Variants in TMEFF1 observed in about 807,000 individuals in gnomAD.
The protein encoded by TMEFF1 is tomoregulin-1.
TMEFF1 carries 20 observed loss-of-function variants against 47.5 expected under a neutral mutation model. The observed-to-expected ratio is 0.42, with a 90% CI of 0.30 to 0.61. The LOEUF is 0.61. Among genes scored for constraint, TMEFF1 ranks in the 20% least tolerant of loss-of-function variants. The pLI is 0.19. For synonymous variants in TMEFF1, 162 were observed against 166.3 expected (o/e 0.97, Z 0.20); for missense variants, 411 against 471.1 (o/e 0.87, Z 1.18).
rs145959102 is a variant in TMEFF1, at chr9:100,490,955, T to C, written c.197-7810T>C. On this transcript the variant is annotated intron_variant, in intron 1 of 9. Coordinates refer to ENST00000374879, the MANE Select transcript of TMEFF1 (RefSeq NM_003692.5). ...GATCTTCAACTCCTGGTCCTTCTGC[T>C]TCAGCCTCCAAAGTAGCTGGGACTA... 5.1e-3 allele frequency among the ~76,000 whole-genome samples: 771 copies of C among 151,978 alleles called. 5 individuals carry two copies. The highest frequency in any genetic ancestry group is 7.8e-3 in the Non-Finnish European group (528 of 67,960).
intron 1 of TMEFF1, among the ~76,000 whole-genome samples, chr9:100,491,786 T>A (rs1837555819): frequency 6.6e-6 from 1 of 152,222 alleles, no homozygotes; most frequent in African/African-American, 2.4e-5. Flanking sequence ...ACAAAAATGA[T>A]TCATAAGTGC....
chr9:100,515,951 C>G (rs1587831722), intron 4 of TMEFF1, among the ~76,000 whole-genome samples: 1 of 152,126 alleles, frequency 6.6e-6, no homozygotes, highest in East Asian at 1.9e-4. Flanking sequence ...ATGATCCACT[C>G]TAGTTGAGAC....
In TMEFF1 at chr9:100,480,865, T is replaced by C. The variant is rs138631222; in HGVS notation, c.196+7125T>C. Among the ~76,000 whole-genome samples, 43 of 152,354 alleles carry C rather than the reference T, an allele frequency of 2.8e-4. 1 individual carries two copies. In the East Asian group the frequency reaches 6.0e-3, roughly 21 times the overall value. The stretch of plus-strand genomic sequence containing the variant: ...ATATGTTTGAAAAGAGGATTTCCAC[T>C]GTACAAGGTGCCCTGAGGAAGATAC... On this transcript the variant is annotated intron_variant, in intron 1 of 9. Coordinates refer to ENST00000374879, the MANE Select transcript of TMEFF1 (RefSeq NM_003692.5).
chr9:100,487,741 T>C (rs543122296), intron 1 of TMEFF1, among the ~76,000 whole-genome samples: 95 of 151,826 alleles, frequency 6.3e-4, no homozygotes, highest in African/African-American at 2.2e-3. Context: ...TTATAACCAT[T>C]GGAATCCTAT....
chr9:100,538,171 G>A (rs1386562867), intron 5 of TMEFF1, among the ~76,000 whole-genome samples: 1 of 152,052 alleles, frequency 6.6e-6, no homozygotes. Flanking sequence ...TCCTGTCTCA[G>A]CCTCCCGAGT....
chr9:100,562,389 CCTT>C (rs759738322), intron 8 of TMEFF1, among the ~76,000 whole-genome samples: 1 of 151,900 alleles, frequency 6.6e-6, no homozygotes, highest in Non-Finnish European at 1.5e-5. Context: ...TCTCTTGGGT[CCTT>C]CTACTTCTTT....
intron 5 of TMEFF1, among the ~76,000 whole-genome samples, chr9:100,521,761 T>C (rs551728886): frequency 2.6e-5 from 4 of 152,342 alleles, no homozygotes; most frequent in Admixed American, 2.6e-4. Flanking sequence ...AGGTGAGTTA[T>C]AAAAATCCTC....
intron 2 of TMEFF1, among the ~76,000 whole-genome samples, chr9:100,499,820 T>C (rs1427559411): frequency 1.3e-5 from 2 of 152,212 alleles, no homozygotes; most frequent in East Asian, 3.8e-4. Flanking sequence ...TTGAAAACTG[T>C]AAACCATCAG....
At chr9:100,514,862 G>C (rs1248625202) in intron 4 of TMEFF1, among the ~76,000 whole-genome samples, 1 of 152,132 alleles carries the variant, frequency 6.6e-6, no homozygotes, top group African/African-American at 2.4e-5. Flanking sequence ...AGGCGTGGTG[G>C]TGGGCGCCTG....
chr9:100,547,324 T>C (rs1304759839), intron 5 of TMEFF1, among the ~76,000 whole-genome samples: 1 of 152,164 alleles, frequency 6.6e-6, no homozygotes, highest in Non-Finnish European at 1.5e-5. Context: ...CCATTATTAT[T>C]ACCTCCATTT....
At chr9:100,494,913 G>A (rs1684043201) in intron 1 of TMEFF1, among the ~76,000 whole-genome samples, 1 of 152,098 alleles carries the variant, frequency 6.6e-6, no homozygotes. Flanking sequence ...ACATACTTTT[G>A]CTGCTAGCCA....
chr9:100,569,977 A>G (rs1309365740), intron 8 of TMEFF1, among the ~76,000 whole-genome samples: 1 of 151,798 alleles, frequency 6.6e-6, no homozygotes, highest in Admixed American at 6.6e-5. Flanking sequence ...CCACTATTCT[A>G]CTCTCTACTT....
intron 7 of TMEFF1, among the ~76,000 whole-genome samples, chr9:100,560,010 G>C (rs1280480737): frequency 5.9e-5 from 9 of 151,726 alleles, no homozygotes; most frequent in Admixed American, 5.9e-4. Flanking sequence ...TGGTTCTCAG[G>C]GTTTTTTTAC....
chr9:100,562,634 GT>G (rs1564028315), intron 8 of TMEFF1, among the ~76,000 whole-genome samples: 90 of 29,478 alleles, frequency 3.1e-3, no homozygotes, highest in African/African-American at 0.013. Context: ...TTTTTTGTTT[GT>G]TTTGTTTTGT....
Position 100,498,821 on chromosome 9 carries a change from G to T in TMEFF1, c.253G>T (p.Gly85Ter). Reference sequence around the variant, plus strand: ...TTGTGATGAGTCATCATGTAAATATGGAGGAGTCTGTAAAGAAGATGGAGA... The same window carrying T: ...TTGTGATGAGTCATCATGTAAATATTGAGGAGTCTGTAAAGAAGATGGAGA... Reference protein sequence around the residue: ...RVCDESSCKYGGVCKEDGDGL... With the variant: ...RVCDESSCKY The change falls in exon 2 of 10, where the codon GGA (glycine) becomes TGA (stop). Residue 85 changes from glycine to a stop codon, truncating the protein, a stop_gained. Coordinates refer to ENST00000374879, the MANE Select transcript of TMEFF1 (RefSeq NM_003692.5). LOFTEE classifies it high-confidence loss of function. 2 of 1,613,954 alleles carry T rather than the reference G, an allele frequency of 1.2e-6. No homozygotes were observed. Among genetic ancestry groups the T allele is most frequent in the Non-Finnish European group, 1.7e-6 (2 of 1,179,920 alleles).
At chr9:100,518,182 A>G (rs1482945368) in intron 5 of TMEFF1, among the ~76,000 whole-genome samples, 1 of 152,162 alleles carries the variant, frequency 6.6e-6, no homozygotes, top group African/African-American at 2.4e-5. Context: ...CATCTGCATA[A>G]TAGGCTGGGT....
At chr9:100,498,699 G>C (rs539001815) in intron 1 of TMEFF1, 66 bp from the exon 2 acceptor site, 8 of 1,399,948 alleles carry the variant, frequency 5.7e-6, no homozygotes, top group Non-Finnish European at 8.0e-6. Flanking sequence ...ACACACACAC[G>C]CGCACAGACA....
At chr9:100,572,831 G>A (rs968819471) in intron 9 of TMEFF1, among the ~76,000 whole-genome samples, 155 bp downstream of exon 9, 1 of 151,974 alleles carries the variant, frequency 6.6e-6, no homozygotes, top group African/African-American at 2.4e-5. Flanking sequence ...TTTAGGATAC[G>A]GGCAGGGACT....
intron 8 of TMEFF1, among the ~76,000 whole-genome samples, chr9:100,571,563 T>C (rs969875130): frequency 3.9e-5 from 6 of 152,046 alleles, no homozygotes; most frequent in Non-Finnish European, 5.9e-5. Flanking sequence ...TTTCCAAATA[T>C]CATGTTGTAC....
Sources: gnomAD v4.1 joint callset for allele counts (sites outside exome capture counted in the v4.1 genomes callset) on GRCh38, gnomAD v4.1.1 for gene constraint, MANE v1.5 for transcripts, NCBI Gene and HGNC (gene_info 2026-07-23, HGNC 2026-07-21) for gene names.